Variants in DIXDC1 observed in about 807,000 individuals in gnomAD.
DIXDC1 encodes dixin.
In DIXDC1, 64 loss-of-function variants were observed where a neutral mutation model predicts 103.1. The ratio of observed to expected loss-of-function variants is 0.62; its 90% confidence interval spans 0.51 to 0.76. DIXDC1 has a LOEUF of 0.76. DIXDC1 is among the 30% of genes least tolerant of loss of function. The pLI, the probability that DIXDC1 is intolerant of heterozygous loss-of-function variation, is 0.00. For missense variants in DIXDC1, 759 were observed against 834.2 expected (o/e 0.91, Z 1.11); for synonymous variants, 266 against 298.5 (o/e 0.89, Z 1.12).
upstream of DIXDC1, chr11:111,937,307 G>C: frequency 6.0e-6 from 8 of 1,337,304 alleles, no homozygotes; most frequent in South Asian, 8.0e-5. Context: ...CCCTCCAGCG[G>C]AGGCCCCCGT....
In DIXDC1 at chr11:111,929,564, C is replaced by T. The variant is rs1423728373; in HGVS notation, c.-36-254C>T. On this transcript the variant is annotated intron_variant, in intron 1 of 5. Transcript: ENST00000529225. ...TGCCAGTGCACTCCAGCCTGAGTGC[C>T]GGAGTGAGACCTTATCTCTAAAAAA... Among the ~76,000 whole-genome samples, 21 of 141,916 alleles carry T rather than the reference C, an allele frequency of 1.5e-4. 1 individual carries two copies. The highest frequency in any genetic ancestry group is 1.2e-4 in the Non-Finnish European group (8 of 66,340). 93.1% of individuals were successfully genotyped at this position (141,916 alleles called of 152,430 possible). A position where few individuals can be genotyped will look rare whatever the true frequency, so the allele number is the denominator to read the frequency against.
chr11:111,979,341 G>C (rs1352020663), intron 5 of DIXDC1, among the ~76,000 whole-genome samples: 5 of 152,194 alleles, frequency 3.3e-5, no homozygotes, highest in African/African-American at 1.2e-4. Flanking sequence ...GATCGTGGTT[G>C]TGAGGATTCG....
At chr11:111,988,109 C>T (rs1327305405) in intron 9 of DIXDC1, among the ~76,000 whole-genome samples, 1 of 152,120 alleles carries the variant, frequency 6.6e-6, no homozygotes, top group Non-Finnish European at 1.5e-5. Context: ...AGCGATCCTC[C>T]CACCTCAGCC....
chr11:111,970,538 T>C (rs1360040188), intron 3 of DIXDC1, among the ~76,000 whole-genome samples: 1 of 151,922 alleles, frequency 6.6e-6, no homozygotes, highest in African/African-American at 2.4e-5. Context: ...GGTGCATGCC[T>C]GTAGTCCCAG....
At chr11:111,935,905 G>A (rs1463782999), upstream of DIXDC1, among the ~76,000 whole-genome samples, 1 of 152,164 alleles carries the variant, frequency 6.6e-6, no homozygotes, top group African/African-American at 2.4e-5. Flanking sequence ...TGCCTGTTGT[G>A]GTCAGGGAGA....
chr11:111,998,453 C>A lies in DIXDC1; in HGVS notation c.1756+2307C>A, dbSNP rs1860968077. On this transcript the variant is annotated intron_variant, in intron 17 of 19. Transcript: ENST00000440460. The surrounding 1 kb of genome is among the most constrained non-coding windows in gnomAD (Gnocchi z 4.1). ...TTGGCGTCAGGTGACCTCTTCCACTCCCCTGGCTTTAACTACACTTGTGTG... is the reference window on the plus strand; with the variant it reads ...TTGGCGTCAGGTGACCTCTTCCACTACCCTGGCTTTAACTACACTTGTGTG... Among the ~76,000 whole-genome samples, 1 of 152,196 alleles carries A rather than the reference C, an allele frequency of 6.6e-6. No homozygotes were observed. The highest frequency in any genetic ancestry group is 2.4e-5 in the African/African-American group (1 of 41,442).
chr11:111,980,840 A>G lies in DIXDC1; in HGVS notation c.760A>G (p.Asn254Asp). ...GATTATTCCCGCTGAAGGAATAGAG[A>G]ACAGAACAGGTACTATCTCTACGCC... ...FVIIPAEGIENRTEGTDSPLS... is the reference protein window; with the variant it reads ...FVIIPAEGIEDRTEGTDSPLS... The change falls in exon 6 of 20, where the codon AAC becomes GAC. Residue 254 changes from asparagine to aspartate, a missense_variant. Transcript: ENST00000440460. 6.2e-7 allele frequency: 1 copy of G among 1,613,544 alleles called. No individual in the cohort carries two copies. The highest frequency in any genetic ancestry group is 1.1e-5 in the South Asian group (1 of 91,060).
chr11:112,015,853 C>T (rs1353223879), intron 17 of DIXDC1, among the ~76,000 whole-genome samples: 5 of 134,620 alleles, frequency 3.7e-5, no homozygotes, highest in Non-Finnish European at 8.0e-5. Context: ...CTCTGTCACC[C>T]AGGCTGGAGT....
intron 17 of DIXDC1, among the ~76,000 whole-genome samples, chr11:112,013,321 T>TGGGGGGGGGGGGGGGGG (rs1403269609): frequency 2.2e-3 from 79 of 35,656 alleles, no homozygotes; most frequent in Non-Finnish European, 2.5e-3. Flanking sequence ...GGTCGGGGGG[T>TGGGGGGGGGGGGGGGGG]GGGGGTGGGG....
At chr11:111,949,206 A>C (rs1301353236) in intron 1 of DIXDC1, among the ~76,000 whole-genome samples, 3 of 152,070 alleles carry the variant, frequency 2.0e-5, no homozygotes, top group Non-Finnish European at 4.4e-5. Flanking sequence ...AGATACTCTC[A>C]AACATGGATC....
intron 17 of DIXDC1, among the ~76,000 whole-genome samples, chr11:112,006,787 A>G (rs1300973531): frequency 6.6e-6 from 1 of 152,216 alleles, no homozygotes; most frequent in East Asian, 1.9e-4. Context: ...CATCCACACC[A>G]AAACCTCATC....
At chr11:111,953,229 G>A (rs1966847312) in intron 1 of DIXDC1, among the ~76,000 whole-genome samples, 1 of 152,180 alleles carries the variant, frequency 6.6e-6, no homozygotes, top group African/African-American at 2.4e-5. Context: ...ATAGGGTGCG[G>A]AGAGGTACAT....
chr11:112,012,922 T>C (rs1861467774), intron 17 of DIXDC1, among the ~76,000 whole-genome samples: 1 of 152,242 alleles, frequency 6.6e-6, no homozygotes, highest in Non-Finnish European at 1.5e-5. Flanking sequence ...TGTGTAGCAT[T>C]TGACATCATG....
chr11:111,957,553 A>ATG (rs1859431183), intron 1 of DIXDC1, among the ~76,000 whole-genome samples: 1 of 152,236 alleles, frequency 6.6e-6, no homozygotes, highest in Non-Finnish European at 1.5e-5. Flanking sequence ...GAAGAGCACA[A>ATG]TGTGACTTCT....
chr11:111,950,436 A>T lies in DIXDC1; in HGVS notation c.60+12877A>T, dbSNP rs1359065820. ...TATATATATATATATATATATATAT[A>T]TATTTTTTTTTTTTTTTTTTTTTTT... On this transcript the variant is annotated intron_variant, in intron 1 of 19. Coordinates refer to ENST00000440460, the MANE Select transcript of DIXDC1 (RefSeq NM_001037954.4). Among the ~76,000 whole-genome samples, 78 of 20,866 alleles carry T rather than the reference A, an allele frequency of 3.7e-3. 2 individuals are homozygous for T. Among genetic ancestry groups the T allele is most frequent in the Non-Finnish European group, 4.8e-3 (66 of 13,770 alleles). The allele number at this position is 20,866 out of a possible 152,430, so 13.7% of individuals were successfully genotyped here.
upstream of DIXDC1, among the ~76,000 whole-genome samples, chr11:111,933,077 T>C (rs1197432492): frequency 6.6e-6 from 1 of 152,212 alleles, no homozygotes; most frequent in African/African-American, 2.4e-5. Flanking sequence ...AAATTACGTA[T>C]AATTAAGTAC....
Position 112,017,717 on chromosome 11 carries a change from A to G in DIXDC1, c.1863-60A>G. 2.8e-6 allele frequency: 4 copies of G among 1,430,658 alleles called. No homozygotes were observed. Among genetic ancestry groups the G allele is most frequent in the Non-Finnish European group, 3.9e-6 (4 of 1,037,750 alleles). 88.6% of individuals were successfully genotyped at this position (1,430,658 alleles called of 1,614,324 possible). On this transcript the variant is annotated intron_variant, in intron 18 of 19. Coordinates refer to ENST00000440460, the MANE Select transcript of DIXDC1 (RefSeq NM_001037954.4). The surrounding 1 kb of genome is among the most constrained non-coding windows in gnomAD (Gnocchi z 4.0). ...GCAGGGGGCTGTGTTTAAAGTTAAC[A>G]TCTTATCTTTCCAGCTATTGATCAA...
Position 111,937,431 on chromosome 11 carries a change from A to G in DIXDC1, c.-69A>G. 6.5e-7 allele frequency: 1 copy of G among 1,543,406 alleles called. No individual in the cohort carries two copies. The highest frequency in any genetic ancestry group is 8.7e-7 in the Non-Finnish European group (1 of 1,144,132). On this transcript the variant is annotated 5_prime_UTR_variant, in exon 1 of 20. Transcript: ENST00000440460. ...CTGAGCCGAGAGCCTTTGTGTGCAG[A>G]GGGAGGAGGAGGAGGCGGCGGCGGC...
chr11:111,966,240 T>C (rs2137512997), intron 2 of DIXDC1, among the ~76,000 whole-genome samples: 1 of 148,580 alleles, frequency 6.7e-6, no homozygotes, highest in Non-Finnish European at 1.5e-5. Flanking sequence ...TTTTTTTTTT[T>C]TGAAACGGAG....
Sources: gnomAD v4.1 joint callset for allele counts (sites outside exome capture counted in the v4.1 genomes callset) on GRCh38, gnomAD v4.1.1 for gene constraint, Gnocchi (gnomAD v3.1) non-coding constraint, MANE v1.5 for transcripts, NCBI Gene and HGNC (gene_info 2026-07-23, HGNC 2026-07-21) for gene names.